Variants in MALRD1 observed in about 807,000 individuals in gnomAD.
MALRD1 encodes MAM and LDL receptor class A domain containing 1, also known as MAM and LDL-receptor class A domain-containing protein 1.
MALRD1 carries 247 observed loss-of-function variants against 242.1 expected under a neutral mutation model. The observed-to-expected ratio is 1.02, with a 90% CI of 0.92 to 1.13. The LOEUF (loss-of-function observed/expected upper bound fraction) is 1.13. MALRD1 is among the 50% of genes most tolerant of loss of function. The pLI, the probability that MALRD1 is intolerant of heterozygous loss-of-function variation, is 0.00. For missense variants in MALRD1, 2,989 were observed against 2,533.1 expected, an observed-to-expected ratio of 1.18 and a Z score of -3.86; for synonymous variants, 995 against 866.6, an observed-to-expected ratio of 1.15 and a Z score of -2.60.
At chr10:19,572,108 C>T (rs1028264312) in intron 33 of MALRD1, among the ~76,000 whole-genome samples, 18 of 152,200 alleles carry the variant, frequency 1.2e-4, no homozygotes, top group Non-Finnish European at 2.9e-5. Context: ...AGTCCTATCC[C>T]CCACCAACCT....
At chr10:19,585,920 C>T (rs1045878622) in intron 33 of MALRD1, among the ~76,000 whole-genome samples, 14 of 152,226 alleles carry the variant, frequency 9.2e-5, no homozygotes, top group Admixed American at 2.6e-4. Context: ...AGGCTTTGCT[C>T]GTTTCTTTTT....
intron 18 of MALRD1, among the ~76,000 whole-genome samples, chr10:19,223,004 T>C (rs1029160696): frequency 3.3e-5 from 5 of 152,206 alleles, no homozygotes; most frequent in African/African-American, 9.7e-5. Context: ...GATCTATACC[T>C]ATTTATGCTC....
In MALRD1 at chr10:19,113,830, C is replaced by G. The variant is rs969850348; in HGVS notation, c.695-9662C>G. ...ACACACACACACACACACACACACA[C>G]AGACACACACACACAGACACATGTG... On this transcript the variant is annotated intron_variant, in intron 5 of 39. Transcript: ENST00000454679. 4.8e-5 allele frequency among the ~76,000 whole-genome samples: 7 copies of G among 144,690 alleles called. No homozygotes were observed. In the East Asian group the frequency reaches 1.4e-3, roughly 29 times the overall value. The allele number at this position is 144,690 out of a possible 152,430, so 94.9% of individuals were successfully genotyped here. A position where few individuals can be genotyped will look rare whatever the true frequency, so the allele number is the denominator to read the frequency against.
intron 32 of MALRD1, among the ~76,000 whole-genome samples, chr10:19,532,902 C>T (rs1834488098): frequency 6.6e-6 from 1 of 152,116 alleles, no homozygotes; most frequent in South Asian, 2.1e-4. Flanking sequence ...ATAGATTAGC[C>T]TATTGCTTAT....
chr10:19,510,045 T>C (rs1372807819), intron 31 of MALRD1, among the ~76,000 whole-genome samples: 1 of 152,002 alleles, frequency 6.6e-6, no homozygotes, highest in Non-Finnish European at 1.5e-5. Flanking sequence ...AGGGTAATAG[T>C]GGAGAGAGGG....
intron 14 of MALRD1, among the ~76,000 whole-genome samples, chr10:19,202,482 C>T (rs1483900054): frequency 2.0e-5 from 3 of 152,016 alleles, no homozygotes; most frequent in Non-Finnish European, 1.5e-5. Flanking sequence ...GGTTAAAATG[C>T]TCTTACAATT....
intron 6 of MALRD1, among the ~76,000 whole-genome samples, chr10:19,124,160 T>A (rs1488922668): frequency 6.6e-6 from 1 of 151,902 alleles, no homozygotes; most frequent in East Asian, 1.9e-4. Context: ...AAGGCTACAG[T>A]GGGCTATGAT....
At chr10:19,283,787 G>C (rs1204671828) in intron 21 of MALRD1, among the ~76,000 whole-genome samples, 3 of 152,172 alleles carry the variant, frequency 2.0e-5, no homozygotes, top group Non-Finnish European at 4.4e-5. Flanking sequence ...TTCTCAACTA[G>C]TGGATTTCCC....
intron 36 of MALRD1, among the ~76,000 whole-genome samples, chr10:19,661,607 G>A (rs1182324098): frequency 6.6e-6 from 1 of 152,206 alleles, no homozygotes; most frequent in Non-Finnish European, 1.5e-5. Context: ...GACACAGGAA[G>A]GGAAGCATCA....
At chr10:19,512,858 A>T (rs905670065) in intron 31 of MALRD1, among the ~76,000 whole-genome samples, 5 of 152,166 alleles carry the variant, frequency 3.3e-5, no homozygotes, top group African/African-American at 9.7e-5. Flanking sequence ...TGAAATTTCC[A>T]TAATGATTCA....
intron 33 of MALRD1, among the ~76,000 whole-genome samples, chr10:19,583,538 G>A (rs1270177858): frequency 8.0e-5 from 12 of 150,514 alleles, no homozygotes; most frequent in Middle Eastern, 3.4e-3. Context: ...ATTGATTTGC[G>A]TATATTGAAC....
At position 19,238,709 on chromosome 10, in the gene MALRD1, A is replaced by G. The variant is rs957750572; in HGVS notation, c.2992-18975A>G. Among the ~76,000 whole-genome samples the G allele has an allele frequency of 8.0e-5, 12 of 149,272 alleles. No individual in the cohort carries two copies. In the East Asian group the frequency reaches 2.0e-3, roughly 24 times the overall value. On this transcript the variant is annotated intron_variant, in intron 18 of 39. Transcript: ENST00000454679. ...TTCAAACACAATGATTTCATTTCCT[A>G]TGGATATATACCCAGTAGTGGGATT...
intron 12 of MALRD1, among the ~76,000 whole-genome samples, chr10:19,164,180 A>G (rs1834567676): frequency 7.4e-6 from 1 of 135,060 alleles, no homozygotes; most frequent in Admixed American, 7.4e-5. Flanking sequence ...AATGAAATAA[A>G]CAATCAGAAT....
At chr10:19,356,329 G>GA (rs1844637962) in intron 26 of MALRD1, among the ~76,000 whole-genome samples, 1 of 152,084 alleles carries the variant, frequency 6.6e-6, no homozygotes, top group South Asian at 2.1e-4. Context: ...TTGAACAAAT[G>GA]AAAAGCCAGC....
At chr10:19,494,988 T>C (rs1364960736) in intron 30 of MALRD1, among the ~76,000 whole-genome samples, 2 of 152,044 alleles carry the variant, frequency 1.3e-5, no homozygotes, top group Non-Finnish European at 2.9e-5. Flanking sequence ...CTTTTTTTTT[T>C]TTTTGTAAGA....
intron 14 of MALRD1, among the ~76,000 whole-genome samples, chr10:19,200,191 A>G (rs1306019139): frequency 6.6e-6 from 1 of 152,222 alleles, no homozygotes; most frequent in Non-Finnish European, 1.5e-5. Context: ...AGGAATAAAT[A>G]AGATGATGTA....
intron 33 of MALRD1, among the ~76,000 whole-genome samples, chr10:19,588,979 C>G (rs1397562911): frequency 6.6e-6 from 1 of 152,122 alleles, no homozygotes; most frequent in East Asian, 1.9e-4. Flanking sequence ...CTGCTGAAAC[C>G]CATGCTAGCT....
At chr10:19,606,718 C>G (rs999346090) in intron 34 of MALRD1, among the ~76,000 whole-genome samples, 7 of 151,948 alleles carry the variant, frequency 4.6e-5, no homozygotes, top group Non-Finnish European at 1.0e-4. Flanking sequence ...AGAGGAGAAC[C>G]AGAAAAGGGA....
chr10:19,702,364 A>C (rs1833666795), intron 38 of MALRD1, among the ~76,000 whole-genome samples: 2 of 152,170 alleles, frequency 1.3e-5, no homozygotes, highest in Admixed American at 6.5e-5. Flanking sequence ...AGAGCTATTC[A>C]ACCGCACATA....
Sources: gnomAD v4.1 joint callset for allele counts (sites outside exome capture counted in the v4.1 genomes callset) on GRCh38, gnomAD v4.1.1 for gene constraint, MANE v1.5 for transcripts, NCBI Gene and HGNC (gene_info 2026-07-23, HGNC 2026-07-21) for gene names.